Variants in ASAP1 observed in about 807,000 individuals in gnomAD.
ASAP1 encodes ArfGAP with SH3 domain, ankyrin repeat and PH domain 1.
ASAP1 carries 43 observed loss-of-function variants against 145.2 expected under a neutral mutation model. That is an observed-to-expected ratio of 0.30 (90% CI 0.23 to 0.38). The LOEUF (loss-of-function observed/expected upper bound fraction) is 0.38. Ranked by LOEUF, ASAP1 falls within the 10% of genes least tolerant of loss-of-function variation. The pLI is 1.00. For missense variants in ASAP1, 1,018 were observed against 1,355.3 expected (o/e 0.75, Z 3.91); for synonymous variants, 546 against 515.5 (o/e 1.06, Z -0.80).
chr8:130,092,866 A>G (rs2097508436), intron 24 of ASAP1, among the ~76,000 whole-genome samples: 1 of 151,968 alleles, frequency 6.6e-6, no homozygotes, highest in Non-Finnish European at 1.5e-5. Context: ...TGAAACATGA[A>G]ATGATTCATA....
At chr8:130,428,490 TCACCATCACCATCAC>T (rs1033020535) in intron 1 of ASAP1, among the ~76,000 whole-genome samples, 6 of 115,950 alleles carry the variant, frequency 5.2e-5, no homozygotes, top group Non-Finnish European at 1.1e-4. Flanking sequence ...ACCATCTTCA[TCACCATCACCATCAC>T]CACCATCAGC....
At chr8:130,282,284 G>C (rs1466840198) in intron 3 of ASAP1, among the ~76,000 whole-genome samples, 1 of 152,010 alleles carries the variant, frequency 6.6e-6, no homozygotes, top group Non-Finnish European at 1.5e-5. Context: ...TACTTATTTT[G>C]CCAAATAGGA....
At chr8:130,320,384 C>T (rs1183044877) in intron 3 of ASAP1, among the ~76,000 whole-genome samples, 3 of 152,014 alleles carry the variant, frequency 2.0e-5, no homozygotes, top group Non-Finnish European at 2.9e-5. Flanking sequence ...GACAAAACCC[C>T]ATCTCTATAA....
chr8:130,229,168 G>A (rs1338880746), intron 4 of ASAP1, among the ~76,000 whole-genome samples: 3 of 152,172 alleles, frequency 2.0e-5, no homozygotes, highest in African/African-American at 7.2e-5. Flanking sequence ...CCCAAATGAG[G>A]CATCACAGAA....
chr8:130,164,936 C>CA (rs1248047928), intron 11 of ASAP1, among the ~76,000 whole-genome samples: 1 of 152,174 alleles, frequency 6.6e-6, no homozygotes, highest in Non-Finnish European at 1.5e-5. Flanking sequence ...GGTCTCCTCT[C>CA]ACATTTAATC....
At chr8:130,276,728 A>ACACACACACACACACTCT (rs548512902) in intron 3 of ASAP1, among the ~76,000 whole-genome samples, 29 of 87,310 alleles carry the variant, frequency 3.3e-4, no homozygotes, top group Non-Finnish European at 5.5e-4. Context: ...ACACACACAC[A>ACACACACACACACACTCT]CTCTCTCTCT....
At chr8:130,133,519 G>C (rs1300169321) in intron 15 of ASAP1, among the ~76,000 whole-genome samples, 1 of 151,824 alleles carries the variant, frequency 6.6e-6, no homozygotes, top group Non-Finnish European at 1.5e-5. Flanking sequence ...AGCCGGGCGC[G>C]GTGGCGGGCG....
At chr8:130,253,412 C>T (rs112288308) in intron 3 of ASAP1, among the ~76,000 whole-genome samples, 1,937 of 152,234 alleles carry the variant, frequency 0.013, 43 homozygotes, top group African/African-American at 0.044. Flanking sequence ...CAGATGCATA[C>T]GCTTTGATTT....
chr8:130,432,365 T>G (rs1483896469), intron 1 of ASAP1, among the ~76,000 whole-genome samples: 1 of 151,896 alleles, frequency 6.6e-6, no homozygotes, highest in Non-Finnish European at 1.5e-5. Flanking sequence ...GCATTTTGGA[T>G]GATGGGAACA....
intron 3 of ASAP1, among the ~76,000 whole-genome samples, chr8:130,317,567 C>T (rs1823741733): frequency 6.6e-6 from 1 of 152,218 alleles, no homozygotes; most frequent in Non-Finnish European, 1.5e-5. Context: ...CCTCCTCTCC[C>T]AAATGGAAAA....
At chr8:130,388,945 G>C (rs1828148688) in intron 2 of ASAP1, among the ~76,000 whole-genome samples, 2 of 152,118 alleles carry the variant, frequency 1.3e-5, no homozygotes, top group African/African-American at 2.4e-5. Context: ...CCAGCAATGT[G>C]GCCTTAAATA....
intron 13 of ASAP1, among the ~76,000 whole-genome samples, chr8:130,149,824 A>G (rs910917089): frequency 6.6e-6 from 1 of 152,210 alleles, no homozygotes; most frequent in African/African-American, 2.4e-5. Context: ...GGGAGCAGCA[A>G]TGTGATTATG....
At chr8:130,297,975 C>T (rs970622476) in intron 3 of ASAP1, among the ~76,000 whole-genome samples, 1 of 152,188 alleles carries the variant, frequency 6.6e-6, no homozygotes, top group African/African-American at 2.4e-5. Context: ...GGAGCTGAAA[C>T]ATCTGGGTTC....
At chr8:130,266,614 A>C (rs1274160984) in intron 3 of ASAP1, among the ~76,000 whole-genome samples, 1 of 152,124 alleles carries the variant, frequency 6.6e-6, no homozygotes, top group Non-Finnish European at 1.5e-5. Context: ...CCAAAAATAT[A>C]AAAACATGAA....
chr8:130,080,717 C>T (rs1283575545), intron 25 of ASAP1, among the ~76,000 whole-genome samples: 3 of 151,974 alleles, frequency 2.0e-5, no homozygotes, highest in South Asian at 4.2e-4. Context: ...ACTGCAGCAT[C>T]GGCCTCCTGG....
chr8:130,284,659 G>A (rs78237624), intron 3 of ASAP1, among the ~76,000 whole-genome samples: 3,009 of 152,030 alleles, frequency 0.02, 47 homozygotes, highest in East Asian at 0.064. Flanking sequence ...TGTGATGTAG[G>A]ATGCAGCCAC....
intron 3 of ASAP1, among the ~76,000 whole-genome samples, chr8:130,330,740 G>A (rs755981754): frequency 6.6e-6 from 1 of 152,308 alleles, no homozygotes; most frequent in Non-Finnish European, 1.5e-5. Flanking sequence ...GAAAGGGACA[G>A]AAGACAGGGT....
Position 130,079,956 on chromosome 8 carries a change from G to A in ASAP1, c.2588C>T (p.Pro863Leu), listed in dbSNP as rs772933905. The A allele has an allele frequency of 1.2e-6, 2 of 1,614,090 alleles. No homozygotes were observed. The highest frequency in any genetic ancestry group is 1.6e-4 in the Middle Eastern group (1 of 6,062). ...GTTTGTAGTCTTACTTGAAGAGGAT[G>A]GACCCCCATCGTTACCTACAAGGAA... ...GAVPWGNDGG[P>L]SSSSKTTNKF... The change falls in exon 26 of 30, where the codon CCA becomes CTA. Residue 863 changes from proline to leucine, a missense_variant. Pro to Leu is a moderately conservative substitution (Grantham distance 98). This residue lies in a region of ASAP1 where 353 missense variants were observed against 375.4 expected (regional missense o/e 0.94). Transcript: ENST00000518721.
chr8:130,377,545 T>C (rs1488221437), intron 2 of ASAP1, among the ~76,000 whole-genome samples: 1 of 152,132 alleles, frequency 6.6e-6, no homozygotes, highest in Non-Finnish European at 1.5e-5. Flanking sequence ...ACGTGAGCAA[T>C]ACAGGGCCCC....
Sources: gnomAD v4.1 joint callset for allele counts (sites outside exome capture counted in the v4.1 genomes callset) on GRCh38, gnomAD v4.1.1 for gene constraint, gnomAD v4.1.1 regional missense constraint, MANE v1.5 for transcripts, NCBI Gene and HGNC (gene_info 2026-07-23, HGNC 2026-07-21) for gene names.